The following WTAP variants were observed in gnomAD, a reference collection of about 807,000 sequenced individuals.
WTAP encodes the protein pre-mRNA-splicing regulator WTAP.
A neutral mutation model predicts 50.0 loss-of-function variants in WTAP; 8 were observed. The ratio of observed to expected loss-of-function variants is 0.16; its 90% CI spans 0.09 to 0.29. The LOEUF (loss-of-function observed/expected upper bound fraction) is 0.29, where lower values mean the gene tolerates loss of function less well. Ranked by LOEUF, WTAP falls within the 10% of genes least tolerant of loss-of-function variation. The pLI is 1.00. For missense variants in WTAP, 295 were observed against 470.7 expected, an observed-to-expected ratio of 0.63 and a Z score of 3.45; for synonymous variants, 194 against 169.0, an observed-to-expected ratio of 1.15 and a Z score of -1.15.
upstream of WTAP, chr6:159,726,921 G>A (rs1194138357): frequency 1.6e-6 from 2 of 1,288,794 alleles, no homozygotes; most frequent in Non-Finnish European, 2.0e-6. Context: ...GGTGGCACCT[G>A]GTCCTCCGAC....
intron 4 of WTAP, among the ~76,000 whole-genome samples, chr6:159,743,412 A>G (rs1293427210): frequency 1.3e-5 from 2 of 152,212 alleles, no homozygotes; most frequent in African/African-American, 4.8e-5. Context: ...TATAACACAG[A>G]TGTTTTCTGT....
chr6:159,755,780 T>TTTTTTTTTTTTTTTTTTTTTTTTTTTTG lies in WTAP; in HGVS notation c.*179_*180insTTTTTTTTTTTTTTTTTGTTTTTTTTTT. 1 of 1,050,258 alleles carries TTTTTTTTTTTTTTTTTTTTTTTTTTTTG rather than the reference T, an allele frequency of 9.5e-7. No individual in the cohort carries two copies. Among genetic ancestry groups the TTTTTTTTTTTTTTTTTTTTTTTTTTTTG allele is most frequent in the Non-Finnish European group, 1.2e-6 (1 of 821,460 alleles). 65.1% of individuals were successfully genotyped at this position (1,050,258 alleles called of 1,614,324 possible). ...TTTTTCTTTTCTTTTTTTTTTTTTT[T>TTTTTTTTTTTTTTTTTTTTTTTTTTTTG]TTTTTTTTTTGCTTCAATACTTCTG... On this transcript the variant is annotated 3_prime_UTR_variant, in exon 8 of 8. Coordinates refer to ENST00000621533, the MANE Select transcript of WTAP (RefSeq NM_001270531.2).
Position 159,748,135 on chromosome 6 carries a change from C to CT in WTAP, c.274-54dup, listed in dbSNP as rs897737343. The CT allele has an allele frequency of 6.5e-7, 1 of 1,534,488 alleles. No homozygotes were observed. Among genetic ancestry groups the CT allele is most frequent in the African/African-American group, 1.4e-5 (1 of 72,378 alleles). ...AGTGAATGGAGGGAGTTTTCCCCACCTTCTTATGTATGTTTCCTTTGATTT... is the reference window on the plus strand; with the variant it reads ...AGTGAATGGAGGGAGTTTTCCCCACCTTTCTTATGTATGTTTCCTTTGATTT... On this transcript the variant is annotated intron_variant, in intron 5 of 7. Transcript: ENST00000621533. The surrounding 1 kb of genome is among the most constrained non-coding windows in gnomAD (Gnocchi z 5.6).
chr6:159,750,973 C>T (rs1779798747), intron 6 of WTAP, among the ~76,000 whole-genome samples: 1 of 152,240 alleles, frequency 6.6e-6, no homozygotes, highest in South Asian at 2.1e-4. Flanking sequence ...CAGAAATAAC[C>T]TGTCCAGTTC....
At chr6:159,732,679 C>G (rs1778645974) in intron 1 of WTAP, among the ~76,000 whole-genome samples, 1 of 151,996 alleles carries the variant, frequency 6.6e-6, no homozygotes, top group Non-Finnish European at 1.5e-5. Context: ...CAAAAATTAG[C>G]CGGGCGTGGT....
At chr6:159,734,719 C>T (rs977247494) in intron 1 of WTAP, among the ~76,000 whole-genome samples, 5 of 152,124 alleles carry the variant, frequency 3.3e-5, no homozygotes, top group African/African-American at 1.2e-4. Context: ...TATGAATATG[C>T]CAAATGCAAT....
At chr6:159,743,188 C>T (rs1310160563) in intron 4 of WTAP, among the ~76,000 whole-genome samples, 1 of 152,214 alleles carries the variant, frequency 6.6e-6, no homozygotes, top group Non-Finnish European at 1.5e-5. Context: ...GCTGGGATTA[C>T]AGACATGCAT....
At position 159,732,886 on chromosome 6, in the gene WTAP, A is replaced by ATAGTGTGTGTGT. The variant is rs146623701; in HGVS notation, c.-8-3372_-8-3371insTAGTGTGTGTGT. ...TCTCTCTCTCTCTGTATATATATAT[A>ATAGTGTGTGTGT]GTGTGTGTGTGTGTGTGTGTGTGTG... On this transcript the variant is annotated intron_variant, in intron 1 of 7. Coordinates refer to ENST00000621533, the MANE Select transcript of WTAP (RefSeq NM_001270531.2). 2.1e-3 allele frequency among the ~76,000 whole-genome samples: 309 copies of ATAGTGTGTGTGT among 146,476 alleles called. 3 individuals carry two copies. Among genetic ancestry groups the ATAGTGTGTGTGT allele is most frequent in the African/African-American group, 7.4e-3 (284 of 38,388 alleles).
Position 159,748,896 on chromosome 6 carries a change from A to G in WTAP, c.452+527A>G. 8.4e-7 allele frequency: 1 copy of G among 1,184,334 alleles called. No homozygotes were observed. Among genetic ancestry groups the G allele is most frequent in the Non-Finnish European group, 1.0e-6 (1 of 957,902 alleles). The allele number at this position is 1,184,334 out of a possible 1,614,324, so 73.4% of individuals were successfully genotyped here. A position where few individuals can be genotyped will look rare whatever the true frequency, so the allele number is the denominator to read the frequency against. ...TTTTGCCAATAAGACTGTGGACTTC[A>G]TGATTGTTGTTGAACTTCTGGGTCA... On this transcript the variant is annotated intron_variant, in intron 6 of 7. Coordinates refer to ENST00000621533, the MANE Select transcript of WTAP (RefSeq NM_001270531.2). This position sits in a 1 kb window ranked among gnomAD's most constrained non-coding sequence, Gnocchi z 5.6.
chr6:159,727,232 G>C (rs1342649641), upstream of WTAP: 9 of 1,274,330 alleles, frequency 7.1e-6, no homozygotes, highest in Admixed American at 4.9e-5. Flanking sequence ...TCGAGGCCCC[G>C]ATCGGGCTAG....
At chr6:159,740,693 T>C (rs1229690080) in intron 3 of WTAP, among the ~76,000 whole-genome samples, 1 of 151,612 alleles carries the variant, frequency 6.6e-6, no homozygotes, top group Non-Finnish European at 1.5e-5. Context: ...GGTTTTTTTT[T>C]TTTCTTTTTT....
intron 1 of WTAP, among the ~76,000 whole-genome samples, chr6:159,734,175 GT>G (rs1324657378): frequency 1.3e-5 from 2 of 151,928 alleles, no homozygotes; most frequent in African/African-American, 4.8e-5. Context: ...GTGTGTGTGT[GT>G]TTTGTTTGTT....
intron 6 of WTAP, among the ~76,000 whole-genome samples, chr6:159,752,821 C>T (rs1281371535): frequency 2.0e-5 from 3 of 152,192 alleles, no homozygotes; most frequent in East Asian, 1.9e-4. Context: ...ATGGTCACAG[C>T]GTCAACCACT....
intron 4 of WTAP, among the ~76,000 whole-genome samples, 192 bp downstream of exon 4, chr6:159,742,338 CAG>C (rs898462777): frequency 5.9e-5 from 9 of 152,118 alleles, no homozygotes; most frequent in South Asian, 2.1e-4. Flanking sequence ...TTGGAGAAGA[CAG>C]AGGTGTAATA....
At chr6:159,727,199 G>C (rs1337856766), upstream of WTAP, 1 of 1,237,046 alleles carries the variant, frequency 8.1e-7, no homozygotes, top group Non-Finnish European at 1.0e-6. Context: ...AGTGTTACCG[G>C]GGAGCAGCTG....
At chr6:159,727,360 C>T (rs1267374356), upstream of WTAP, 10 of 795,454 alleles carry the variant, frequency 1.3e-5, no homozygotes, top group East Asian at 8.3e-5. Flanking sequence ...GCGAACATGG[C>T]GGAGCGGGGA....
At chr6:159,749,310 C>T (rs1779737295) in intron 6 of WTAP, 1 of 985,582 alleles carries the variant, frequency 1.0e-6, no homozygotes, top group South Asian at 4.7e-5. Flanking sequence ...ATTCAACAGG[C>T]ACATGTTTAA....
intron 2 of WTAP, 104 bp downstream of exon 2, chr6:159,736,399 CTTAT>C (rs1778919571): frequency 1.1e-6 from 1 of 929,942 alleles, no homozygotes; most frequent in South Asian, 1.5e-5. Flanking sequence ...TCGTTGTTTG[CTTAT>C]TTTTCATTTC....
At chr6:159,740,700 T>A in intron 3 of WTAP, among the ~76,000 whole-genome samples, 1 of 151,550 alleles carries the variant, frequency 6.6e-6, no homozygotes, top group East Asian at 1.9e-4. Context: ...TTTTTTTCTT[T>A]TTTCTTTCTT....
Sources: allele counts gnomAD v4.1 joint callset (sites outside exome capture counted in the v4.1 genomes callset), GRCh38; gene constraint gnomAD v4.1.1; non-coding constraint Gnocchi (gnomAD v3.1); transcripts MANE v1.5; gene names NCBI Gene and HGNC (gene_info 2026-07-23, HGNC 2026-07-21).